The following UBE2E3 variants were observed in gnomAD, a reference collection of about 807,000 sequenced individuals.
The protein encoded by UBE2E3 is ubiquitin-conjugating enzyme E2 E3.
Under a neutral mutation model 23.6 loss-of-function variants are expected in UBE2E3, and 5 were observed. The observed-to-expected ratio is 0.21, with a 90% confidence interval of 0.11 to 0.44. The LOEUF (loss-of-function observed/expected upper bound fraction) is 0.44. Among genes scored for constraint, UBE2E3 ranks in the 20% least tolerant of loss-of-function variants. The pLI is 0.99. For missense variants in UBE2E3, 81 were observed against 249.8 expected (o/e 0.32, Z 4.55); for synonymous variants, 78 against 87.5 (o/e 0.89, Z 0.60).
intron 3 of UBE2E3, among the ~76,000 whole-genome samples, chr2:181,052,363 C>T (rs924777848): frequency 6.6e-6 from 1 of 151,650 alleles, no homozygotes; most frequent in Admixed American, 6.6e-5. Flanking sequence ...TTTCTCTTAT[C>T]ACTAGAGACA....
intron 3 of UBE2E3, among the ~76,000 whole-genome samples, chr2:181,009,607 T>C (rs1306844698): frequency 7.1e-6 from 1 of 141,568 alleles, no homozygotes; most frequent in Non-Finnish European, 1.6e-5. Flanking sequence ...GATAACCAAA[T>C]ATATTTCAGT....
chr2:181,062,977 G>T lies in UBE2E3; in HGVS notation c.*89G>T, dbSNP rs1687202262. On this transcript the variant is annotated 3_prime_UTR_variant, in exon 6 of 6. Transcript: ENST00000410062. ...TATAGCCTTTACAATACGGACTTCT[G>T]TGTATATGTTATACTGATTCTACTC... is the stretch of plus-strand genomic sequence containing the variant. The T allele has an allele frequency of 1.2e-5, 9 of 731,680 alleles. No individual in the cohort carries two copies. The highest frequency in any genetic ancestry group is 2.2e-6 in the Non-Finnish European group (1 of 449,684). The allele number at this position is 731,680 out of a possible 1,614,324, so 45.3% of individuals were successfully genotyped here. A position where few individuals can be genotyped will look rare whatever the true frequency, so the allele number is the denominator to read the frequency against.
rs938609031 is a variant in UBE2E3, at chr2:181,037,218, A to G, written c.246-20475A>G. On this transcript the variant is annotated intron_variant, in intron 3 of 5. Coordinates refer to ENST00000410062, the MANE Select transcript of UBE2E3 (RefSeq NM_006357.4). ...CAGCAAATATAATTATATGTAGTAC[A>G]TACTTGATAATAAACAACTGTGTTC... is the stretch of plus-strand genomic sequence containing the variant. 4.6e-5 allele frequency among the ~76,000 whole-genome samples: 7 copies of G among 152,238 alleles called. No individual in the cohort carries two copies. The East Asian group carries it at 9.6e-4, about 21-fold the overall frequency.
At chr2:181,060,861 CTTTTTTTTTTT>C (rs71029902) in intron 5 of UBE2E3, 49 bp downstream of exon 5, 4,545 of 247,912 alleles carry the variant, frequency 0.018, 84 homozygotes, top group Middle Eastern at 0.029. Flanking sequence ...AAAACGAGTG[CTTTTTTTTTTT>C]TTTTTTTTTT....
At chr2:181,054,075 G>A (rs1686920609) in intron 3 of UBE2E3, among the ~76,000 whole-genome samples, 1 of 151,784 alleles carries the variant, frequency 6.6e-6, no homozygotes, top group South Asian at 2.1e-4. Flanking sequence ...AGGTACCACA[G>A]TTTATATATC....
At chr2:181,033,685 C>G (rs2105651446) in intron 3 of UBE2E3, among the ~76,000 whole-genome samples, 1 of 152,280 alleles carries the variant, frequency 6.6e-6, no homozygotes, top group South Asian at 2.1e-4. Context: ...CAAATGGGAT[C>G]TCATTAAACT....
At chr2:181,000,103 T>G (rs564962484) in intron 3 of UBE2E3, among the ~76,000 whole-genome samples, 2 of 152,356 alleles carry the variant, frequency 1.3e-5, no homozygotes, top group South Asian at 4.1e-4. Flanking sequence ...TCTTGGCATT[T>G]AACCCAATTT....
intron 3 of UBE2E3, among the ~76,000 whole-genome samples, chr2:181,036,372 G>A (rs1317966091): frequency 2.0e-5 from 3 of 152,320 alleles, no homozygotes; most frequent in Non-Finnish European, 4.4e-5. Context: ...AAATACAGCA[G>A]GTCCTTGAAT....
intron 3 of UBE2E3, among the ~76,000 whole-genome samples, chr2:180,996,239 G>C (rs774586256): frequency 1.3e-5 from 2 of 152,072 alleles, no homozygotes; most frequent in Non-Finnish European, 2.9e-5. Flanking sequence ...GTATTATTTT[G>C]AAAACTGAAT....
At chr2:181,035,465 T>G (rs1156323434) in intron 3 of UBE2E3, among the ~76,000 whole-genome samples, 1 of 152,108 alleles carries the variant, frequency 6.6e-6, no homozygotes, top group Non-Finnish European at 1.5e-5. Context: ...TGATATATAT[T>G]ACTTTCAGTA....
intron 3 of UBE2E3, among the ~76,000 whole-genome samples, chr2:180,993,727 A>G (rs1684742489): frequency 6.6e-6 from 1 of 152,158 alleles, no homozygotes; most frequent in African/African-American, 2.4e-5. Context: ...ATTAAATTCT[A>G]GTAGGTCAAG....
intron 3 of UBE2E3, among the ~76,000 whole-genome samples, chr2:181,005,118 T>C (rs1380701416): frequency 6.6e-6 from 1 of 152,212 alleles, no homozygotes; most frequent in African/African-American, 2.4e-5. Context: ...ATTTGTTGGC[T>C]CACATAACTG....
At chr2:181,023,065 C>G (rs1429418435) in intron 3 of UBE2E3, among the ~76,000 whole-genome samples, 1 of 152,230 alleles carries the variant, frequency 6.6e-6, no homozygotes, top group Non-Finnish European at 1.5e-5. Flanking sequence ...AAATCACATG[C>G]ATTCAGTAGA....
intron 3 of UBE2E3, among the ~76,000 whole-genome samples, chr2:181,038,651 A>C (rs1045097842): frequency 6.6e-6 from 1 of 152,236 alleles, no homozygotes; most frequent in African/African-American, 2.4e-5. Context: ...TGAAAAGGCA[A>C]ATCACAGAAA....
intron 3 of UBE2E3, among the ~76,000 whole-genome samples, chr2:180,993,818 C>T (rs1405506211): frequency 6.6e-6 from 1 of 152,100 alleles, no homozygotes; most frequent in Admixed American, 6.5e-5. Flanking sequence ...CTATTGCTTT[C>T]TGTAGTCTTC....
At chr2:181,015,941 T>C (rs976338676) in intron 3 of UBE2E3, among the ~76,000 whole-genome samples, 1 of 148,358 alleles carries the variant, frequency 6.7e-6, no homozygotes, top group African/African-American at 2.5e-5. Context: ...GTTTCTGTTA[T>C]ATAGTACCAT....
intron 3 of UBE2E3, among the ~76,000 whole-genome samples, chr2:181,036,839 C>G (rs1232276783): frequency 6.6e-6 from 1 of 152,062 alleles, no homozygotes; most frequent in East Asian, 1.9e-4. Context: ...GATGTTGTGA[C>G]CAGAAATATG....
intron 3 of UBE2E3, among the ~76,000 whole-genome samples, chr2:181,027,954 G>C (rs947961494): frequency 2.0e-5 from 3 of 151,836 alleles, no homozygotes; most frequent in Non-Finnish European, 4.4e-5. Flanking sequence ...TTCTCACCCA[G>C]CTTAAAAACT....
chr2:181,032,968 A>C (rs1228393991), intron 3 of UBE2E3, among the ~76,000 whole-genome samples: 1 of 152,224 alleles, frequency 6.6e-6, no homozygotes, highest in African/African-American at 2.4e-5. Flanking sequence ...AATCCAACTT[A>C]CAAGGGATAT....
Sources: allele counts gnomAD v4.1 joint callset (sites outside exome capture counted in the v4.1 genomes callset), GRCh38; gene constraint gnomAD v4.1.1; transcripts MANE v1.5; gene names NCBI Gene and HGNC (gene_info 2026-07-23, HGNC 2026-07-21).